CLDN16: variants seen among roughly 807,000 people sequenced by gnomAD.
CLDN16 encodes the protein claudin-16.
CLDN16 carries 13 observed loss-of-function variants against 24.6 expected under a neutral mutation model. That is an observed-to-expected ratio of 0.53 (90% CI 0.34 to 0.84). The LOEUF (loss-of-function observed/expected upper bound fraction) is 0.84. CLDN16 is among the 40% of genes least tolerant of loss of function. The pLI, the probability that CLDN16 is intolerant of heterozygous loss-of-function variation, is 0.01. For missense variants in CLDN16, 298 were observed against 292.7 expected (o/e 1.02, Z -0.13); for synonymous variants, 116 against 106.7 (o/e 1.09, Z -0.54).
chr3:190,290,514 A>G, the CLDN16 span, among the ~76,000 whole-genome samples: 2 of 152,040 alleles, frequency 1.3e-5, no homozygotes, highest in Admixed American at 6.6e-5. Flanking sequence ...AAAAAAACCT[A>G]CTCTTTCATA....
chr3:190,328,000 G>A (rs1287269404), intron 1 of CLDN16, among the ~76,000 whole-genome samples: 1 of 152,004 alleles, frequency 6.6e-6, no homozygotes, highest in African/African-American at 2.4e-5. Context: ...ATAATTTTTT[G>A]GACAGGTGTG....
chr3:190,294,698 AT>A, the CLDN16 span, among the ~76,000 whole-genome samples: 1 of 152,070 alleles, frequency 6.6e-6, no homozygotes, highest in Non-Finnish European at 1.5e-5. Flanking sequence ...TCTGAAGAAC[AT>A]TTTTTACCCT....
chr3:190,307,321 G>T, the CLDN16 span: 1 of 152,034 alleles, frequency 6.6e-6, no homozygotes, highest in Non-Finnish European at 1.5e-5. Context: ...AAGGAATGGG[G>T]AACAAAAAGG....
intron 3 of CLDN16, among the ~76,000 whole-genome samples, chr3:190,382,317 A>G (rs1200483125): frequency 6.6e-6 from 1 of 152,162 alleles, no homozygotes; most frequent in Admixed American, 6.6e-5. Context: ...CAGAATGAGT[A>G]ACAACATATG....
chr3:190,409,655 G>A (rs1719219619), intron 4 of CLDN16, among the ~76,000 whole-genome samples: 1 of 151,554 alleles, frequency 6.6e-6, no homozygotes, highest in Admixed American at 6.6e-5. Flanking sequence ...AAAAAACTAA[G>A]GGAATACCTC....
At chr3:190,342,900 G>A (rs1373324121) in intron 1 of CLDN16, among the ~76,000 whole-genome samples, 6 of 152,098 alleles carry the variant, frequency 3.9e-5, no homozygotes, top group African/African-American at 1.2e-4. Context: ...ATTGGCCTTG[G>A]CAATGATTTC....
chr3:190,376,604 A>G (rs1718253709), intron 3 of CLDN16, among the ~76,000 whole-genome samples: 1 of 151,962 alleles, frequency 6.6e-6, no homozygotes, highest in Non-Finnish European at 1.5e-5. Flanking sequence ...TGTTGTAGGC[A>G]GAGGAAACAA....
chr3:190,308,657 C>T, the CLDN16 span, among the ~76,000 whole-genome samples: 1 of 152,086 alleles, frequency 6.6e-6, no homozygotes, highest in Non-Finnish European at 1.5e-5. Context: ...GGAAATAACA[C>T]ATGTAATACC....
upstream of CLDN16, among the ~76,000 whole-genome samples, chr3:190,320,962 A>T (rs112002723): frequency 4.8e-5 from 7 of 145,976 alleles, no homozygotes; most frequent in African/African-American, 1.8e-4. Context: ...CCTTTAATTT[A>T]AAAAACAAAG....
chr3:190,387,666 G>A (rs1305399559), upstream of CLDN16, among the ~76,000 whole-genome samples: 2 of 152,160 alleles, frequency 1.3e-5, no homozygotes, highest in Non-Finnish European at 2.9e-5. Context: ...ACTCTACGAT[G>A]CTGAAAGGTT....
chr3:190,387,973 C>G (rs913694911), upstream of CLDN16: 16 of 726,970 alleles, frequency 2.2e-5, no homozygotes, highest in African/African-American at 2.3e-4. Context: ...CTCCTTCCCC[C>G]GTCTTGGCAC....
chr3:190,306,656 C>T, the CLDN16 span: 1 of 152,698 alleles, frequency 6.5e-6, no homozygotes, highest in African/African-American at 2.4e-5. Flanking sequence ...AAATCCAGGT[C>T]TCCAGACACC....
intron 3 of CLDN16, among the ~76,000 whole-genome samples, chr3:190,379,553 T>C (rs1350605567): frequency 6.6e-6 from 1 of 152,112 alleles, no homozygotes; most frequent in Non-Finnish European, 1.5e-5. Context: ...AGTCACACAA[T>C]CTTTATTCTC....
At chr3:190,294,855 G>A in the CLDN16 span, among the ~76,000 whole-genome samples, 1 of 152,024 alleles carries the variant, frequency 6.6e-6, no homozygotes, top group Non-Finnish European at 1.5e-5. Context: ...AACTCAGTAA[G>A]AAAGTAATAA....
At chr3:190,388,049 C>T, upstream of CLDN16, 2 of 1,432,602 alleles carry the variant, frequency 1.4e-6, no homozygotes, top group Non-Finnish European at 1.9e-6. Context: ...GAACTCCTCT[C>T]TCCCCCACCC....
At chr3:190,394,677 A>C (rs1718770015) in intron 1 of CLDN16, among the ~76,000 whole-genome samples, 1 of 152,164 alleles carries the variant, frequency 6.6e-6, no homozygotes, top group Non-Finnish European at 1.5e-5. Context: ...ACATGAGTTG[A>C]TAGAGCGCCT....
chr3:190,405,990 C>A (rs1017121695), intron 3 of CLDN16, among the ~76,000 whole-genome samples: 4 of 152,124 alleles, frequency 2.6e-5, no homozygotes, highest in Non-Finnish European at 4.4e-5. Flanking sequence ...CCTGACCAGG[C>A]AGTGTGGGGT....
At chr3:190,305,144 T>C in the CLDN16 span, among the ~76,000 whole-genome samples, 3 of 152,328 alleles carry the variant, frequency 2.0e-5, no homozygotes, top group South Asian at 2.1e-4. Context: ...TCACCCATCA[T>C]GCTAATGTCT....
chr3:190,296,721 T>C, the CLDN16 span, among the ~76,000 whole-genome samples: 1 of 151,916 alleles, frequency 6.6e-6, no homozygotes, highest in Non-Finnish European at 1.5e-5. Context: ...GGCTAATTTT[T>C]TGTATTTTTA....
Sources: allele counts gnomAD v4.1 joint callset (sites outside exome capture counted in the v4.1 genomes callset), GRCh38; gene constraint gnomAD v4.1.1; transcripts MANE v1.5; gene names NCBI Gene and HGNC (gene_info 2026-07-23, HGNC 2026-07-21).